The following RASA3 variants were observed in gnomAD, a reference collection of about 807,000 sequenced individuals.
RASA3 encodes the protein RAS p21 protein activator 3.
In RASA3, 73 loss-of-function variants were observed where a neutral mutation model predicts 110.0. The observed-to-expected ratio is 0.66, with a 90% confidence interval of 0.55 to 0.81. The LOEUF (loss-of-function observed/expected upper bound fraction) is 0.81. Ranked by LOEUF, RASA3 falls within the 30% of genes least tolerant of loss-of-function variation. The pLI is 0.00. For missense variants in RASA3, 976 were observed against 1,113.2 expected, an observed-to-expected ratio of 0.88 and a Z score of 1.75; for synonymous variants, 500 against 451.4, an observed-to-expected ratio of 1.11 and a Z score of -1.37.
chr13:114,012,130 T>C (rs2053648171), intron 15 of RASA3, among the ~76,000 whole-genome samples: 1 of 151,918 alleles, frequency 6.6e-6, no homozygotes, highest in South Asian at 2.1e-4. Flanking sequence ...ACGCCGATCA[T>C]CAATACTCCA....
At chr13:114,030,393 A>AGCAAGACTCACACAGAG (rs1566501357) in intron 4 of RASA3, among the ~76,000 whole-genome samples, 12 of 36,420 alleles carry the variant, frequency 3.3e-4, no homozygotes, top group Non-Finnish European at 7.0e-4. Context: ...CTCACACAGG[A>AGCAAGACTCACACAGAG]GGCAAGACTC....
intron 9 of RASA3, among the ~76,000 whole-genome samples, chr13:114,020,376 G>C (rs2053900618): frequency 6.6e-6 from 1 of 152,208 alleles, no homozygotes; most frequent in Non-Finnish European, 1.5e-5. Context: ...TCTGGGGTAT[G>C]TGGTGGCTGC....
chr13:114,102,459 C>A lies in RASA3; in HGVS notation c.56-28622G>T, dbSNP rs150990944. ...CGCTTCCCACAAGAAGAACCAAGCT[C>A]AGGTCCCACCCTCCCCCAGAGCCTG... On this transcript the variant is annotated intron_variant, in intron 1 of 23. Transcript: ENST00000334062. Among the ~76,000 whole-genome samples, 43 of 152,234 alleles carry A rather than the reference C, an allele frequency of 2.8e-4. No individual in the cohort carries two copies. The East Asian group carries it at 7.5e-3, about 27-fold the overall frequency.
chr13:114,060,590 C>A (rs148503436), intron 2 of RASA3, among the ~76,000 whole-genome samples: 37 of 152,346 alleles, frequency 2.4e-4, no homozygotes, highest in Non-Finnish European at 4.1e-4. Context: ...GGGGCTCCTG[C>A]AGGAGGTGAC....
At chr13:114,044,793 A>T (rs1028668461) in intron 3 of RASA3, among the ~76,000 whole-genome samples, 4 of 151,848 alleles carry the variant, frequency 2.6e-5, no homozygotes, top group Non-Finnish European at 5.9e-5. Context: ...GCTGGACAGG[A>T]GGGTCAGTTT....
chr13:114,063,814 C>T (rs2079401864), intron 2 of RASA3, among the ~76,000 whole-genome samples: 2 of 152,178 alleles, frequency 1.3e-5, no homozygotes, highest in Non-Finnish European at 2.9e-5. Context: ...GACCAGTGTC[C>T]ACCCCCAGCA....
intron 21 of RASA3, among the ~76,000 whole-genome samples, 166 bp downstream of exon 21, chr13:113,996,365 C>T (rs765202722): frequency 4.6e-5 from 7 of 152,164 alleles, no homozygotes; most frequent in African/African-American, 7.2e-5. Flanking sequence ...GATGCTCCCT[C>T]GAGGGAGGAC....
At chr13:114,068,410 G>A (rs187298594) in intron 2 of RASA3, among the ~76,000 whole-genome samples, 212 of 152,350 alleles carry the variant, frequency 1.4e-3, no homozygotes, top group African/African-American at 4.8e-3. Flanking sequence ...ACCATTCCAC[G>A]TCCTTACGTG....
At position 114,129,191 on chromosome 13, in the gene RASA3, A is replaced by G. The variant is rs75009714; in HGVS notation, c.55+3244T>C. Among the ~76,000 whole-genome samples, 1,079 of 152,348 alleles carry G rather than the reference A, an allele frequency of 7.1e-3. 10 individuals are homozygous for G. The highest frequency in any genetic ancestry group is 0.025 in the African/African-American group (1,024 of 41,572). The stretch of plus-strand genomic sequence containing the variant: ...CAGGCTTCCTCAAAGCAGCGATCGC[A>G]TAGGAAGTGTGGCTCAGTCATGCAT... On this transcript the variant is annotated intron_variant, in intron 1 of 23. Coordinates refer to ENST00000334062, the MANE Select transcript of RASA3 (RefSeq NM_007368.4).
Position 113,978,609 on chromosome 13 carries a change from G to A in RASA3, c.*738C>T, listed in dbSNP as rs1182327789. Reference sequence around the variant, plus strand: ...CAGCAAAACGATGTGGGCTTCAACTGTGGGCTCCGCAGACGCCTGGAGAAG... The same window carrying A: ...CAGCAAAACGATGTGGGCTTCAACTATGGGCTCCGCAGACGCCTGGAGAAG... On this transcript the variant is annotated 3_prime_UTR_variant, in exon 24 of 24. Transcript: ENST00000334062. The A allele has an allele frequency of 6.6e-6, 1 of 152,180 alleles. No homozygotes were observed. The highest frequency in any genetic ancestry group is 1.5e-5 in the Non-Finnish European group (1 of 68,036). 9.4% of individuals were successfully genotyped at this position (152,180 alleles called of 1,614,324 possible). A position where few individuals can be genotyped will look rare whatever the true frequency, so the allele number is the denominator to read the frequency against.
intron 1 of RASA3, among the ~76,000 whole-genome samples, chr13:114,076,101 T>C (rs1314873305): frequency 2.0e-5 from 3 of 152,072 alleles, no homozygotes; most frequent in South Asian, 4.1e-4. Context: ...TGCGGCCGTT[T>C]CCCGCCAGTG....
At chr13:113,995,001 C>T (rs933987768) in intron 21 of RASA3, among the ~76,000 whole-genome samples, 18 of 152,176 alleles carry the variant, frequency 1.2e-4, no homozygotes, top group South Asian at 2.1e-4. Flanking sequence ...AAAGCATCCC[C>T]GAGCTGGGAG....
At chr13:114,129,925 T>C (rs2080495648) in intron 1 of RASA3, among the ~76,000 whole-genome samples, 2 of 152,188 alleles carry the variant, frequency 1.3e-5, no homozygotes, top group South Asian at 4.1e-4. Context: ...CCATCTTGTC[T>C]GAGCCTTCAA....
intron 12 of RASA3, 131 bp downstream of exon 12, chr13:114,017,106 C>A: frequency 2.6e-6 from 2 of 766,020 alleles, no homozygotes; most frequent in Non-Finnish European, 4.5e-6. Context: ...ATCAGCATCC[C>A]CGTGGCGAGG....
At chr13:114,075,510 CGGCGCCGCGTATCTCTGGGTGTGGA>C (rs1398733668) in intron 1 of RASA3, among the ~76,000 whole-genome samples, 1 of 114,214 alleles carries the variant, frequency 8.8e-6, no homozygotes, top group Non-Finnish European at 1.9e-5. Flanking sequence ...CCTCCCGTGT[CGGCGCCGCGTATCTCTGGGTGTGGA>C]GGCGCCGGCA....
chr13:114,035,300 G>C (rs2054258676), intron 4 of RASA3, among the ~76,000 whole-genome samples: 1 of 152,348 alleles, frequency 6.6e-6, no homozygotes, highest in African/African-American at 2.4e-5. Context: ...CCTGGCTGCC[G>C]ACCCTGGCAC....
chr13:114,018,618 G>C, intron 10 of RASA3, 145 bp downstream of exon 10: 2 of 1,070,994 alleles, frequency 1.9e-6, no homozygotes, highest in Non-Finnish European at 2.6e-6. Context: ...CCAGGCATCT[G>C]GACGGGAAAC....
chr13:113,996,084 G>A, intron 21 of RASA3, among the ~76,000 whole-genome samples: 1 of 150,172 alleles, frequency 6.7e-6, no homozygotes, highest in Non-Finnish European at 1.5e-5. Context: ...CGGCTGATGG[G>A]GGGCCCGGCT....
At chr13:114,081,346 G>A (rs1220628407) in intron 1 of RASA3, among the ~76,000 whole-genome samples, 2 of 152,204 alleles carry the variant, frequency 1.3e-5, no homozygotes, top group Non-Finnish European at 2.9e-5. Flanking sequence ...CCTCCCCAGG[G>A]CTGCCCAGTC....
Sources: allele counts gnomAD v4.1 joint callset (sites outside exome capture counted in the v4.1 genomes callset), GRCh38; gene constraint gnomAD v4.1.1; transcripts MANE v1.5; gene names NCBI Gene and HGNC (gene_info 2026-07-23, HGNC 2026-07-21).